Variants in RPL5 observed in about 807,000 individuals in gnomAD.
The protein encoded by RPL5 is large ribosomal subunit protein uL18.
Under a neutral mutation model 38.4 loss-of-function variants are expected in RPL5, and 1 was observed. The ratio of observed to expected loss-of-function variants is 0.03; its 90% confidence interval spans 0.01 to 0.12. RPL5 has a LOEUF of 0.12. Among genes scored for constraint, RPL5 ranks in the 10% least tolerant of loss-of-function variants. RPL5 has a pLI of 1.00. For synonymous variants in RPL5, 109 were observed against 121.2 expected, an observed-to-expected ratio of 0.90 and a Z score of 0.66; for missense variants, 243 against 374.1, an observed-to-expected ratio of 0.65 and a Z score of 2.89.
At position 92,834,734 on chromosome 1, in the gene RPL5, C is replaced by T. The variant is rs747429475; in HGVS notation, c.190-45C>T. On this transcript the variant is annotated intron_variant, in intron 3 of 7. Coordinates refer to ENST00000370321, the MANE Select transcript of RPL5 (RefSeq NM_000969.5). ...GAAAAATAATTAAGATGTAGTAAGA[C>T]AGTGAAAGCAACAGATTACTAACCT... 2.7e-5 allele frequency: 44 copies of T among 1,609,002 alleles called. No individual in the cohort carries two copies. The Admixed American group carries it at 7.3e-4, about 27-fold the overall frequency.
At position 92,840,548 on chromosome 1, in the gene RPL5, C is replaced by T; in HGVS notation, c.706-3C>T. The stretch of plus-strand genomic sequence containing the variant: ...AAGTACTGTTTGCTTTCCTTTGTTT[C>T]AGATGGAGGAGATGTATAAGAAAGC... On this transcript the variant is annotated splice_polypyrimidine_tract_variant and splice_region_variant and intron_variant, in intron 6 of 7. Transcript: ENST00000370321. 1 of 1,610,182 alleles carries T rather than the reference C, an allele frequency of 6.2e-7. No homozygotes were observed. Among genetic ancestry groups the T allele is most frequent in the South Asian group, 1.1e-5 (1 of 91,000 alleles).
At position 92,834,819 on chromosome 1, in the gene RPL5, C is replaced by T. The variant is rs14361; in HGVS notation, c.230C>T (p.Ala77Val). 5 of 1,612,622 alleles carry T rather than the reference C, an allele frequency of 3.1e-6. No homozygotes were observed. In the African/African-American group the frequency reaches 5.3e-5, roughly 17 times the overall value. ...ARIEGDMIVC[A>V]AYAHELPKYG... Reference sequence around the variant, plus strand: ...ATAGAGGGGGATATGATAGTCTGCGCAGCGTATGCACACGAACTGCCAAAA... The same window carrying T: ...ATAGAGGGGGATATGATAGTCTGCGTAGCGTATGCACACGAACTGCCAAAA... Residue 77 changes from alanine (A) to valine (V), a missense_variant, in exon 4 of 8, where the codon GCA becomes GTA. Ala to Val is a moderately conservative substitution (Grantham distance 64). Transcript: ENST00000370321.
rs368663464 is a variant in RPL5 at position 92,832,053 on chromosome 1, C to G, written c.-62C>G. On this transcript the variant is annotated 5_prime_UTR_variant, in exon 1 of 8. Transcript: ENST00000370321. ...AAGGGCTGTGGCCCTTTTCCCACCC[C>G]CTAGCGCCGCTGGGCCTGCAGGTCT... The G allele has an allele frequency of 1.9e-4, 301 of 1,610,716 alleles. 4 individuals carry two copies. The East Asian group carries it at 2.6e-3, about 14-fold the overall frequency.
chr1:92,832,417 G>GGCAAGCGGCCGGGCGTGAGAGGTC (rs1686946117), intron 1 of RPL5, among the ~76,000 whole-genome samples: 1 of 152,188 alleles, frequency 6.6e-6, no homozygotes, highest in African/African-American at 2.4e-5. Flanking sequence ...AGGGGGCGCT[G>GGCAAGCGGCCGGGCGTGAGAGGTC]GCAAGCGGCC....
chr1:92,835,079 A>C, intron 4 of RPL5, 166 bp downstream of exon 4: 1 of 999,262 alleles, frequency 1.0e-6, no homozygotes, highest in Admixed American at 2.2e-5. Flanking sequence ...GCTCTTTCCA[A>C]TAAAATTTTC....
chr1:92,836,693 C>T (rs1571030308), intron 5 of RPL5: 1 of 335,230 alleles, frequency 3.0e-6, no homozygotes, highest in South Asian at 3.2e-5. Flanking sequence ...GCAACTCCAT[C>T]CTCTTTCCCC....
chr1:92,840,210 T>G (rs1391228928), intron 6 of RPL5: 1 of 294,850 alleles, frequency 3.4e-6, no homozygotes, highest in Non-Finnish European at 6.5e-6. Context: ...CAGGTCTCAC[T>G]GTGTTGCCTT....
chr1:92,835,535 CTG>C, intron 4 of RPL5, among the ~76,000 whole-genome samples: 1 of 151,094 alleles, frequency 6.6e-6, no homozygotes, highest in Non-Finnish European at 1.5e-5. Flanking sequence ...TGGTGTGTGT[CTG>C]TAGTCCCAAC....
In RPL5 at chr1:92,841,886, T is replaced by G. The variant is rs1372565211; in HGVS notation, c.*21T>G. ...GCTAAACCCAGCAATTTTCTATGAT[T>G]TTTTCAGATATAGATAATAAACTTA... is the stretch of plus-strand genomic sequence containing the variant. On this transcript the variant is annotated 3_prime_UTR_variant, in exon 8 of 8. Transcript: ENST00000370321. 4.5e-6 allele frequency: 7 copies of G among 1,569,390 alleles called. No individual in the cohort carries two copies. Among genetic ancestry groups the G allele is most frequent in the Non-Finnish European group, 6.1e-6 (7 of 1,141,188 alleles).
chr1:92,835,520 C>T (rs922208656), intron 4 of RPL5, among the ~76,000 whole-genome samples: 1 of 151,066 alleles, frequency 6.6e-6, no homozygotes, highest in African/African-American at 2.4e-5. Context: ...AAAAGCCAGG[C>T]ATGATGGTGT....
rs1195908437 is a variant in RPL5 at position 92,836,404 on chromosome 1, A to G, written c.527+12A>G. On this transcript the variant is annotated intron_variant, in intron 5 of 7. Coordinates refer to ENST00000370321, the MANE Select transcript of RPL5 (RefSeq NM_000969.5). ...TCTATCCCTCACAGGTAAGAATACT[A>G]TTTAAGACCTTGGTGCCTGGACCGT... 6.2e-7 allele frequency: 1 copy of G among 1,612,280 alleles called. No homozygotes were observed. The highest frequency in any genetic ancestry group is 8.5e-7 in the Non-Finnish European group (1 of 1,178,322).
rs11540832 is a variant in RPL5 at position 92,837,557 on chromosome 1, A to G, written c.629A>G (p.Tyr210Cys). Residue 210 changes from tyrosine (Y) to cysteine (C), a missense_variant, in exon 6 of 8, where the codon TAC (tyrosine) becomes TGC (cysteine). Transcript: ENST00000370321. ...CAGAATGTTGCAGATTACATGCGCT[A>G]CTTAATGGAAGAAGATGAAGATGCT... ...MGQNVADYMRYLMEEDEDAYK... is the reference protein window; with the variant it reads ...MGQNVADYMRCLMEEDEDAYK... 11,813 of 1,612,022 alleles carry G rather than the reference A, an allele frequency of 7.3e-3. 45 individuals are homozygous for G. Among genetic ancestry groups the G allele is most frequent in the Non-Finnish European group, 9.1e-3 (10,722 of 1,179,724 alleles).
chr1:92,832,045 T>C lies in RPL5; in HGVS notation c.-70T>C. 1.9e-6 allele frequency: 3 copies of C among 1,607,928 alleles called. No homozygotes were observed. The highest frequency in any genetic ancestry group is 2.2e-5 in the East Asian group (1 of 44,664). ...GCCTGCGCAAGGGCTGTGGCCCTTT[T>C]CCCACCCCCTAGCGCCGCTGGGCCT... On this transcript the variant is annotated 5_prime_UTR_variant, in exon 1 of 8. Transcript: ENST00000370321.
Position 92,841,799 on chromosome 1 carries a change from G to A in RPL5, c.828G>A (p.Lys276=). ...WNRPKMSLAQ[K]KDRVAQKKAS... is the part of the protein sequence containing the mutation. ...GTCCCAAAATGTCCCTTGCTCAGAA[G>A]AAGGATCGGGTAGCTCAAAAGAAGG... is the stretch of plus-strand genomic sequence containing the variant. Residue 276 remains lysine (K), a synonymous_variant, in exon 8 of 8, where the codon AAG becomes AAA. Coordinates refer to ENST00000370321, the MANE Select transcript of RPL5 (RefSeq NM_000969.5). 6.2e-7 allele frequency: 1 copy of A among 1,611,740 alleles called. No homozygotes were observed. The highest frequency in any genetic ancestry group is 8.5e-7 in the Non-Finnish European group (1 of 1,179,740).
rs193286679 is a variant in RPL5, at chr1:92,836,113, G to T, written c.325-77G>T. 321 of 1,354,660 alleles carry T rather than the reference G, an allele frequency of 2.4e-4. 1 individual carries two copies. The highest frequency in any genetic ancestry group is 3.8e-5 in the Non-Finnish European group (36 of 946,012). The allele number at this position is 1,354,660 out of a possible 1,614,324, so 83.9% of individuals were successfully genotyped here. ...TTTTCCAGATGTCAGTGGTCCTTAC[G>T]GTTATGACATAAGCTATTTTAATTT... On this transcript the variant is annotated intron_variant, in intron 4 of 7. Coordinates refer to ENST00000370321, the MANE Select transcript of RPL5 (RefSeq NM_000969.5).
At chr1:92,840,830 TTC>T (rs1168667183) in intron 7 of RPL5, 191 bp downstream of exon 7, 1 of 710,760 alleles carries the variant, frequency 1.4e-6, no homozygotes, top group Non-Finnish European at 2.6e-6. Context: ...ACTGAGGTGG[TTC>T]TTTCTATCCT....
intron 7 of RPL5, 22 bp from the exon 8 acceptor site, chr1:92,841,744 T>C (rs547082637): frequency 6.6e-7 from 1 of 1,515,222 alleles, no homozygotes; most frequent in East Asian, 2.3e-5. Flanking sequence ...GTTTAAAAAA[T>C]ATATATTCCT....
chr1:92,832,184 G>A, intron 1 of RPL5, 67 bp downstream of exon 1: 1 of 1,605,340 alleles, frequency 6.2e-7, no homozygotes. Context: ...CCGTATGCCA[G>A]CCTAGGGCCC....
chr1:92,832,295 C>A, intron 1 of RPL5, 178 bp downstream of exon 1: 1 of 969,340 alleles, frequency 1.0e-6, no homozygotes, highest in South Asian at 1.4e-5. Context: ...GCCCGGTGCG[C>A]GAACTTGGGG....
Sources: gnomAD v4.1 joint callset for allele counts (sites outside exome capture counted in the v4.1 genomes callset) on GRCh38, gnomAD v4.1.1 for gene constraint, MANE v1.5 for transcripts, NCBI Gene and HGNC (gene_info 2026-07-23, HGNC 2026-07-21) for gene names.